NCOA6: variants seen among roughly 807,000 people sequenced by gnomAD.
The protein encoded by NCOA6 is NRC RAP250.
Under a neutral mutation model 171.4 loss-of-function variants are expected in NCOA6, and 49 were observed. The observed-to-expected ratio is 0.29, with a 90% CI of 0.23 to 0.36. The LOEUF (loss-of-function observed/expected upper bound fraction) is 0.36, where lower values mean the gene tolerates loss of function less well. NCOA6 is among the 10% of genes least tolerant of loss of function. The pLI, the probability that NCOA6 is intolerant of heterozygous loss-of-function variation, is 1.00. For synonymous variants in NCOA6, 910 were observed against 927.5 expected, an observed-to-expected ratio of 0.98 and a Z score of 0.34; for missense variants, 2,248 against 2,554.5, an observed-to-expected ratio of 0.88 and a Z score of 2.59.
chr20:34,805,685 C>CTT (rs896675332), intron 1 of NCOA6, among the ~76,000 whole-genome samples: 88 of 141,248 alleles, frequency 6.2e-4, no homozygotes, highest in African/African-American at 1.9e-3. Flanking sequence ...CTCTTCTTAG[C>CTT]TTTTTTTTTT....
chr20:34,755,661 T>C (rs1440224199), intron 7 of NCOA6, among the ~76,000 whole-genome samples: 1 of 152,242 alleles, frequency 6.6e-6, no homozygotes, highest in African/African-American at 2.4e-5. Flanking sequence ...TAGGTGAGCA[T>C]ATCATCTGCT....
intron 12 of NCOA6, among the ~76,000 whole-genome samples, chr20:34,735,271 A>G (rs2075914772): frequency 6.6e-6 from 1 of 152,120 alleles, no homozygotes; most frequent in Admixed American, 6.5e-5. Context: ...CCTCCTTTAA[A>G]TAACGTGCTC....
chr20:34,725,918 A>C (rs1989907947), intron 14 of NCOA6, among the ~76,000 whole-genome samples: 1 of 152,188 alleles, frequency 6.6e-6, no homozygotes, highest in South Asian at 2.1e-4. Context: ...ACAAATTTAC[A>C]AGTCATCTGT....
rs1988393090 is a variant in NCOA6, at chr20:34,715,340, C to T, written c.6174G>A (p.Lys2058=). 1 of 1,614,022 alleles carries T rather than the reference C, an allele frequency of 6.2e-7. No homozygotes were observed. Among genetic ancestry groups the T allele is most frequent in the East Asian group, 2.2e-5 (1 of 44,874 alleles). ...TKDITSAVQS[K]RRKSK ...TGCTTGTTTACTTGGATTTTCTTCGCTTGGATTGCACCGCACTGGTTATGT... is the reference window on the plus strand; with the variant it reads ...TGCTTGTTTACTTGGATTTTCTTCGTTTGGATTGCACCGCACTGGTTATGT... The change falls in exon 15 of 15, where the codon AAG becomes AAA. Residue 2058 remains lysine (K), a synonymous_variant. Transcript: ENST00000359003.
intron 12 of NCOA6, among the ~76,000 whole-genome samples, chr20:34,734,740 C>T (rs893763654): frequency 2.6e-5 from 4 of 151,802 alleles, no homozygotes; most frequent in African/African-American, 4.8e-5. Flanking sequence ...GCAACCTCTG[C>T]GTCCCAGGTT....
rs149823099 is a variant in NCOA6 at position 34,740,530 on chromosome 20, G to A, written c.5726C>T (p.Ala1909Val). 35 of 1,613,918 alleles carry A rather than the reference G, an allele frequency of 2.2e-5. No individual in the cohort carries two copies. The highest frequency in any genetic ancestry group is 5.3e-5 in the African/African-American group (4 of 74,940). ...TATCGAGCGTACACTGGTGGGGAGA[G>A]CACCGCCAGGTAAGCTGGGTCCTGC... ...ASAGPSLPGG[A>V]LPTSVRSIVT... The change falls in exon 11 of 15, where the codon GCT (alanine) becomes GTT (valine). Residue 1909 changes from alanine to valine, a missense_variant. This residue lies in a region of NCOA6 where 884 missense variants were observed against 941.9 expected (regional missense o/e 0.94). Transcript: ENST00000359003.
chr20:34,728,844 C>G (rs1191761269), intron 13 of NCOA6, among the ~76,000 whole-genome samples: 1 of 152,174 alleles, frequency 6.6e-6, no homozygotes, highest in African/African-American at 2.4e-5. Flanking sequence ...GTGGGAAAAA[C>G]TTACCAACAC....
At chr20:34,716,464 G>A (rs572556079) in intron 14 of NCOA6, among the ~76,000 whole-genome samples, 3 of 152,214 alleles carry the variant, frequency 2.0e-5, no homozygotes, top group East Asian at 1.9e-4. Flanking sequence ...TCTTAAAAAC[G>A]TTTTGGCCAG....
At chr20:34,789,194 A>C (rs1435264423) in intron 2 of NCOA6, among the ~76,000 whole-genome samples, 2 of 152,256 alleles carry the variant, frequency 1.3e-5, no homozygotes, top group African/African-American at 4.8e-5. Context: ...AGTAGTAATG[A>C]GAAAAGTTAA....
chr20:34,788,888 G>A (rs867341808), intron 2 of NCOA6, among the ~76,000 whole-genome samples: 2 of 152,160 alleles, frequency 1.3e-5, no homozygotes, highest in African/African-American at 4.8e-5. Flanking sequence ...AGGTTGCGGT[G>A]AACATAGCGC....
intron 5 of NCOA6, among the ~76,000 whole-genome samples, chr20:34,762,369 C>A (rs1270198691): frequency 1.3e-5 from 2 of 152,130 alleles, no homozygotes; most frequent in African/African-American, 4.8e-5. Context: ...CCTGAGAATA[C>A]TATTCTGATT....
intron 1 of NCOA6, among the ~76,000 whole-genome samples, chr20:34,808,042 C>T (rs2078520568): frequency 6.6e-6 from 1 of 151,564 alleles, no homozygotes; most frequent in Non-Finnish European, 1.5e-5. Context: ...TCCAGCTACT[C>T]AGGAGGCTGA....
chr20:34,752,650 C>T (rs527999245), intron 8 of NCOA6, among the ~76,000 whole-genome samples: 2 of 152,204 alleles, frequency 1.3e-5, no homozygotes, highest in Admixed American at 6.5e-5. Context: ...ACACGTGGGC[C>T]GGGCACAGTG....
intron 2 of NCOA6, among the ~76,000 whole-genome samples, chr20:34,783,765 G>A (rs2077580202): frequency 6.6e-6 from 1 of 152,090 alleles, no homozygotes; most frequent in Non-Finnish European, 1.5e-5. Flanking sequence ...TGGGACTACA[G>A]GCAAGCACCA....
At chr20:34,738,950 G>A (rs1312621146) in intron 11 of NCOA6, 3 of 455,898 alleles carry the variant, frequency 6.6e-6, no homozygotes, top group South Asian at 3.1e-5. Flanking sequence ...AATAAGATAG[G>A]CACTTAATTA....
rs1444072553 is a variant in NCOA6, at chr20:34,808,006, T to C, written c.-163-15443A>G. 3.3e-5 allele frequency among the ~76,000 whole-genome samples: 5 copies of C among 151,274 alleles called. No individual in the cohort carries two copies. In the South Asian group the frequency reaches 6.3e-4, roughly 19 times the overall value. The stretch of plus-strand genomic sequence containing the variant: ...CTCTACTAAAAACACAAAAATTAGC[T>C]GGGTGTGGTGGCAGGCGCCTGTAGT... On this transcript the variant is annotated intron_variant, in intron 1 of 14. Transcript: ENST00000359003.
At chr20:34,744,350 A>C (rs777171339) in intron 10 of NCOA6, among the ~76,000 whole-genome samples, 1 of 152,220 alleles carries the variant, frequency 6.6e-6, no homozygotes, top group Non-Finnish European at 1.5e-5. Flanking sequence ...AGAAAAGATA[A>C]AAAGATACGC....
intron 3 of NCOA6, 181 bp from the exon 4 acceptor site, chr20:34,776,629 G>C (rs1291338795): frequency 2.7e-6 from 2 of 738,010 alleles, no homozygotes; most frequent in Non-Finnish European, 4.7e-6. Flanking sequence ...CTTAGCACCT[G>C]GGTGACCATG....
At chr20:34,821,136 AACATCCAACACTCAAAC>A (rs1411649245) in intron 1 of NCOA6, 5 of 152,344 alleles carry the variant, frequency 3.3e-5, no homozygotes, top group Admixed American at 3.3e-4. Flanking sequence ...TTAGAGGTTG[AACATCCAACACTCAAAC>A]ACATAGATCA....
Sources: gnomAD v4.1 joint callset for allele counts (sites outside exome capture counted in the v4.1 genomes callset) on GRCh38, gnomAD v4.1.1 for gene constraint, gnomAD v4.1.1 regional missense constraint, MANE v1.5 for transcripts, NCBI Gene and HGNC (gene_info 2026-07-23, HGNC 2026-07-21) for gene names.